Variants in CSMD1 observed in about 807,000 individuals in gnomAD.
CSMD1 encodes the protein CUB and sushi domain-containing protein 1.
In CSMD1, 213 loss-of-function variants were observed where a neutral mutation model predicts 417.5. The ratio of observed to expected loss-of-function variants is 0.51; its 90% CI spans 0.46 to 0.57. The LOEUF is 0.57. CSMD1 is among the 20% of genes least tolerant of loss of function. The probability of loss-of-function intolerance (pLI) is 0.00; values close to 1 mark genes in which losing one functional copy is unlikely to be tolerated. For synonymous variants in CSMD1, 2,862 were observed against 1,736.8 expected (o/e 1.65, Z -16.11); for missense variants, 6,923 against 4,529.7 (o/e 1.53, Z -15.17).
chr8:4,207,853 T>G (rs527440674), intron 3 of CSMD1, among the ~76,000 whole-genome samples: 1 of 152,256 alleles, frequency 6.6e-6, no homozygotes, highest in South Asian at 2.1e-4. Context: ...ATGTCAGTGA[T>G]AATTGGTTCC....
At chr8:3,705,365 G>C (rs995964319) in intron 7 of CSMD1, among the ~76,000 whole-genome samples, 1 of 152,154 alleles carries the variant, frequency 6.6e-6, no homozygotes, top group Non-Finnish European at 1.5e-5. Flanking sequence ...CCATACCCTG[G>C]TGCTTCCCAC....
intron 3 of CSMD1, among the ~76,000 whole-genome samples, chr8:4,151,690 C>A (rs911807195): frequency 2.0e-5 from 3 of 152,152 alleles, no homozygotes; most frequent in African/African-American, 7.2e-5. Flanking sequence ...AAAAATCCAA[C>A]TGATTTCCTC....
At chr8:4,753,279 G>T (rs985076027) in intron 1 of CSMD1, among the ~76,000 whole-genome samples, 1 of 151,980 alleles carries the variant, frequency 6.6e-6, no homozygotes, top group African/African-American at 2.4e-5. Context: ...TTATATTGTA[G>T]AGGATGATGA....
intron 1 of CSMD1, among the ~76,000 whole-genome samples, chr8:4,893,454 G>C (rs998422784): frequency 1.3e-5 from 2 of 151,502 alleles, no homozygotes; most frequent in Non-Finnish European, 2.9e-5. Context: ...ATGTCTTCAG[G>C]GTTTATTTGT....
intron 3 of CSMD1, among the ~76,000 whole-genome samples, chr8:4,112,632 G>A (rs1313988886): frequency 6.6e-6 from 1 of 152,126 alleles, no homozygotes; most frequent in African/African-American, 2.4e-5. Flanking sequence ...GCAGGGACCT[G>A]TCCAAAGGGG....
In CSMD1 at chr8:4,789,723, T is replaced by C. The variant is rs541868935; in HGVS notation, c.86-152165A>G. ...TGATCCTGTATAAGATAAAGGTTGA[T>C]TGTATAGCAATGCTCCCAACATAGT... On this transcript the variant is annotated intron_variant, in intron 1 of 69. Coordinates refer to ENST00000635120, the MANE Select transcript of CSMD1 (RefSeq NM_033225.6). 2.8e-4 allele frequency among the ~76,000 whole-genome samples: 43 copies of C among 152,316 alleles called. No individual in the cohort carries two copies. The South Asian group carries it at 8.5e-3, about 30-fold the overall frequency.
intron 2 of CSMD1, among the ~76,000 whole-genome samples, chr8:4,427,778 G>T (rs73658883): frequency 1.3e-5 from 2 of 152,058 alleles, no homozygotes; most frequent in Non-Finnish European, 2.9e-5. Context: ...TTCAATTACA[G>T]ATTTTTATCA....
chr8:4,354,144 T>A (rs1325173403), intron 3 of CSMD1, among the ~76,000 whole-genome samples: 1 of 152,266 alleles, frequency 6.6e-6, no homozygotes, highest in South Asian at 2.1e-4. Flanking sequence ...ATTTTAAAAA[T>A]TTAAATGTAA....
At chr8:4,629,584 G>C (rs954157870) in intron 2 of CSMD1, among the ~76,000 whole-genome samples, 2 of 152,078 alleles carry the variant, frequency 1.3e-5, no homozygotes, top group Non-Finnish European at 2.9e-5. Flanking sequence ...TGAATGTTAA[G>C]TTTTAGGAAG....
intron 23 of CSMD1, among the ~76,000 whole-genome samples, chr8:3,315,639 C>G (rs1281735255): frequency 6.6e-6 from 1 of 151,972 alleles, no homozygotes; most frequent in Non-Finnish European, 1.5e-5. Context: ...GTAAGATACT[C>G]CACATTTTTA....
intron 3 of CSMD1, among the ~76,000 whole-genome samples, chr8:4,208,383 G>C (rs557379477): frequency 4.7e-4 from 71 of 152,268 alleles, no homozygotes; most frequent in Non-Finnish European, 8.7e-4. Context: ...CCAAGGAATT[G>C]AGTTACTGGC....
intron 3 of CSMD1, among the ~76,000 whole-genome samples, chr8:4,038,890 T>C (rs1450827195): frequency 6.6e-6 from 1 of 152,158 alleles, no homozygotes; most frequent in East Asian, 1.9e-4. Context: ...ATTCTAAATA[T>C]GCACACGAAA....
At chr8:4,666,861 T>C (rs943078916) in intron 1 of CSMD1, among the ~76,000 whole-genome samples, 1 of 152,176 alleles carries the variant, frequency 6.6e-6, no homozygotes, top group African/African-American at 2.4e-5. Context: ...TGATGAAGTC[T>C]GATTTATCAA....
intron 36 of CSMD1, among the ~76,000 whole-genome samples, chr8:3,181,683 G>T (rs1821336755): frequency 6.6e-6 from 1 of 152,086 alleles, no homozygotes; most frequent in Admixed American, 6.6e-5. Flanking sequence ...ATCCCTATGT[G>T]ACTCATGCTT....
chr8:3,902,641 G>A (rs1409471472), intron 5 of CSMD1, among the ~76,000 whole-genome samples: 2 of 152,038 alleles, frequency 1.3e-5, no homozygotes, highest in African/African-American at 4.8e-5. Context: ...GAGCTCAGGG[G>A]TAATTCTTGC....
intron 3 of CSMD1, among the ~76,000 whole-genome samples, chr8:4,219,980 C>G (rs1326613682): frequency 6.6e-6 from 1 of 152,026 alleles, no homozygotes; most frequent in Admixed American, 6.5e-5. Context: ...AATGGAGTCT[C>G]ACTCTGTCAC....
At chr8:4,012,574 C>G (rs1016548924) in intron 4 of CSMD1, among the ~76,000 whole-genome samples, 3 of 152,042 alleles carry the variant, frequency 2.0e-5, no homozygotes, top group Admixed American at 6.6e-5. Context: ...CCGTCACCAC[C>G]TCCTTCCTCC....
chr8:4,091,288 A>G lies in CSMD1; in HGVS notation c.416-59189T>C, dbSNP rs190523633. Reference sequence around the variant, plus strand: ...AAATAATAATCTAATAAAATTTCCAATTTTATTAAAATTCTGATTCAATAA... The same window carrying G: ...AAATAATAATCTAATAAAATTTCCAGTTTTATTAAAATTCTGATTCAATAA... On this transcript the variant is annotated intron_variant, in intron 3 of 69. Transcript: ENST00000635120. Among the ~76,000 whole-genome samples the G allele has an allele frequency of 7.3e-3, 1,107 of 152,278 alleles. 12 individuals are homozygous for G. The highest frequency in any genetic ancestry group is 0.026 in the African/African-American group (1,064 of 41,554).
chr8:3,251,372 G>A (rs1340607429), intron 26 of CSMD1, among the ~76,000 whole-genome samples: 1 of 152,118 alleles, frequency 6.6e-6, no homozygotes, highest in Non-Finnish European at 1.5e-5. Flanking sequence ...TCAGATAGTT[G>A]TAGATATGTG....
Sources: allele counts gnomAD v4.1 joint callset (sites outside exome capture counted in the v4.1 genomes callset), GRCh38; gene constraint gnomAD v4.1.1; transcripts MANE v1.5; gene names NCBI Gene and HGNC (gene_info 2026-07-23, HGNC 2026-07-21).